PPP1R12B: variants seen among roughly 807,000 people sequenced by gnomAD.
PPP1R12B encodes protein phosphatase 1 regulatory subunit 12B.
PPP1R12B carries 76 observed loss-of-function variants against 126.1 expected under a neutral mutation model. The observed-to-expected ratio is 0.60, with a 90% CI of 0.50 to 0.73. PPP1R12B has a LOEUF of 0.73. PPP1R12B is among the 30% of genes least tolerant of loss of function. The probability of loss-of-function intolerance (pLI) is 0.00; values close to 1 mark genes in which losing one functional copy is unlikely to be tolerated. For missense variants in PPP1R12B, 1,052 were observed against 1,205.1 expected (o/e 0.87, Z 1.88); for synonymous variants, 356 against 434.7 (o/e 0.82, Z 2.25).
chr1:202,507,837 C>G (rs1366335936), intron 18 of PPP1R12B, among the ~76,000 whole-genome samples: 1 of 152,170 alleles, frequency 6.6e-6, no homozygotes, highest in Non-Finnish European at 1.5e-5. Context: ...TTCATTTCTC[C>G]TGTTGATAGC....
At position 202,589,965 on chromosome 1, in the gene PPP1R12B, G is replaced by C. The variant is rs760763775; in HGVS notation, c.*9405G>C. The C allele has an allele frequency of 1.3e-5, 2 of 152,232 alleles. No homozygotes were observed. Among genetic ancestry groups the C allele is most frequent in the African/African-American group, 2.4e-5 (1 of 41,450 alleles). The allele number at this position is 152,232 out of a possible 1,614,324, so 9.4% of individuals were successfully genotyped here. ...GCTGCTGGTCTATCCTCAAGGAGAG[G>C]AGACAGGTGGAAGTGGGAACCGAAG... is the stretch of plus-strand genomic sequence containing the variant. On this transcript the variant is annotated 3_prime_UTR_variant, in exon 24 of 24. Transcript: ENST00000608999.
intron 1 of PPP1R12B, among the ~76,000 whole-genome samples, chr1:202,364,557 T>G (rs907338881): frequency 2.6e-5 from 4 of 151,666 alleles, no homozygotes; most frequent in African/African-American, 9.7e-5. Context: ...TTTTAATTTT[T>G]TAATTAATTT....
intron 13 of PPP1R12B, 107 bp downstream of exon 13, chr1:202,449,278 G>A (rs1672638664): frequency 2.1e-6 from 3 of 1,416,152 alleles, no homozygotes; most frequent in African/African-American, 2.9e-5. Flanking sequence ...ATGAAAATAT[G>A]TCTTTTTTTT....
chr1:202,461,476 A>G (rs2148757675), intron 13 of PPP1R12B, among the ~76,000 whole-genome samples: 1 of 152,290 alleles, frequency 6.6e-6, no homozygotes, highest in Non-Finnish European at 1.5e-5. Context: ...TTATGTCATT[A>G]CCAGTGAAAT....
At position 202,444,983 on chromosome 1, in the gene PPP1R12B, G is replaced by A. The variant is rs542944064; in HGVS notation, c.1667+2411G>A. On this transcript the variant is annotated intron_variant, in intron 12 of 23. Coordinates refer to ENST00000608999, the MANE Select transcript of PPP1R12B (RefSeq NM_002481.4). ...AAGTGCACAATCTGGGTGGGAAGGT[G>A]GTGCTGGGAAATGGTGGGTGAGCAG... 1.8e-4 allele frequency: 222 copies of A among 1,211,538 alleles called. No homozygotes were observed. The African/African-American group carries it at 2.5e-3, about 14-fold the overall frequency. The allele number at this position is 1,211,538 out of a possible 1,614,324, so 75.0% of individuals were successfully genotyped here.
intron 18 of PPP1R12B, among the ~76,000 whole-genome samples, chr1:202,533,487 T>G (rs1334780436): frequency 6.6e-6 from 1 of 152,106 alleles, no homozygotes; most frequent in African/African-American, 2.4e-5. Flanking sequence ...TTTTGTTTTG[T>G]TTTGTTTTTT....
At chr1:202,439,732 A>G (rs1248351942) in intron 10 of PPP1R12B, 120 of 566,248 alleles carry the variant, frequency 2.1e-4, no homozygotes, top group African/African-American at 1.8e-3. Flanking sequence ...GGAGGGACTG[A>G]GGCCCTCTAG....
chr1:202,473,046 T>G (rs1357586193), intron 13 of PPP1R12B, among the ~76,000 whole-genome samples: 1 of 152,182 alleles, frequency 6.6e-6, no homozygotes, highest in Non-Finnish European at 1.5e-5. Context: ...TTGGGGCCAG[T>G]TAATTATAGG....
chr1:202,490,392 C>A (rs1055475967), intron 14 of PPP1R12B, among the ~76,000 whole-genome samples: 1 of 152,142 alleles, frequency 6.6e-6, no homozygotes, highest in Admixed American at 6.5e-5. Context: ...TTTATTTTTA[C>A]TTGATGATTA....
chr1:202,375,085 G>A (rs1375789536), intron 1 of PPP1R12B, among the ~76,000 whole-genome samples: 1 of 152,110 alleles, frequency 6.6e-6, no homozygotes, highest in Non-Finnish European at 1.5e-5. Context: ...TGGGATTACA[G>A]GCATGTGCCA....
intron 18 of PPP1R12B, among the ~76,000 whole-genome samples, chr1:202,532,578 C>T (rs1045419257): frequency 3.3e-5 from 5 of 152,128 alleles, no homozygotes; most frequent in South Asian, 2.1e-4. Flanking sequence ...TAAATTGATT[C>T]ATAACCTAAT....
At chr1:202,484,444 C>T (rs1677807081) in intron 13 of PPP1R12B, among the ~76,000 whole-genome samples, 1 of 152,182 alleles carries the variant, frequency 6.6e-6, no homozygotes, top group Admixed American at 6.5e-5. Flanking sequence ...TATTCCTTAG[C>T]TACTAATTGT....
chr1:202,540,200 T>C, intron 18 of PPP1R12B: 1 of 1,610,922 alleles, frequency 6.2e-7, no homozygotes, highest in Non-Finnish European at 8.5e-7. Flanking sequence ...TCAGTCTGAT[T>C]CTCCCCCAGC....
intron 6 of PPP1R12B, among the ~76,000 whole-genome samples, chr1:202,429,312 T>C (rs1464000033): frequency 6.6e-6 from 1 of 152,218 alleles, no homozygotes; most frequent in African/African-American, 2.4e-5. Context: ...TAAAAGACTA[T>C]CTTTATTTAA....
intron 18 of PPP1R12B, among the ~76,000 whole-genome samples, chr1:202,522,500 A>T (rs990362696): frequency 1.3e-4 from 20 of 152,056 alleles, no homozygotes; most frequent in Non-Finnish European, 2.1e-4. Context: ...AAGAGAAAAG[A>T]TAGGTAATAT....
chr1:202,421,484 CA>C (rs1262533800), intron 2 of PPP1R12B, among the ~76,000 whole-genome samples: 1 of 151,280 alleles, frequency 6.6e-6, no homozygotes, highest in Admixed American at 6.6e-5. Flanking sequence ...TAAAAAAATA[CA>C]AAAAATTAGC....
chr1:202,373,666 T>G (rs1200908967), intron 1 of PPP1R12B, among the ~76,000 whole-genome samples: 1 of 151,826 alleles, frequency 6.6e-6, no homozygotes, highest in Non-Finnish European at 1.5e-5. Context: ...TATCTTTGTT[T>G]TTTTTTTCCT....
rs1295142006 is a variant in PPP1R12B at position 202,591,579 on chromosome 1, C to G, written c.*11019C>G. 1 of 152,570 alleles carries G rather than the reference C, an allele frequency of 6.6e-6. No individual in the cohort carries two copies. Among genetic ancestry groups the G allele is most frequent in the Non-Finnish European group, 1.5e-5 (1 of 68,356 alleles). 9.5% of individuals were successfully genotyped at this position (152,570 alleles called of 1,614,324 possible). A position where few individuals can be genotyped will look rare whatever the true frequency, so the allele number is the denominator to read the frequency against. ...GAGCCTCTCTCACAGCTGAACCTGCCCACCCCACTCTCAGGGGATCGCTGG... is the reference window on the plus strand; with the variant it reads ...GAGCCTCTCTCACAGCTGAACCTGCGCACCCCACTCTCAGGGGATCGCTGG... On this transcript the variant is annotated 3_prime_UTR_variant, in exon 24 of 24. Coordinates refer to ENST00000608999, the MANE Select transcript of PPP1R12B (RefSeq NM_002481.4).
chr1:202,420,566 G>A (rs1668612697), intron 2 of PPP1R12B, among the ~76,000 whole-genome samples: 1 of 152,136 alleles, frequency 6.6e-6, no homozygotes, highest in African/African-American at 2.4e-5. Flanking sequence ...TTTGTTGAGT[G>A]CTTACTATGT....
Sources: gnomAD v4.1 joint callset for allele counts (sites outside exome capture counted in the v4.1 genomes callset) on GRCh38, gnomAD v4.1.1 for gene constraint, MANE v1.5 for transcripts, NCBI Gene and HGNC (gene_info 2026-07-23, HGNC 2026-07-21) for gene names.